Variants in C9orf72 observed in about 807,000 individuals in gnomAD.
The protein encoded by C9orf72 is C9orf72-SMCR8 complex subunit, also known as guanine nucleotide exchange factor C9orf72.
Under a neutral mutation model 51.6 loss-of-function variants are expected in C9orf72, and 44 were observed. The observed-to-expected ratio is 0.85, with a 90% CI of 0.67 to 1.10. The LOEUF is 1.10. Ranked by LOEUF, C9orf72 falls within the 50% of genes least tolerant of loss-of-function variation. The probability of loss-of-function intolerance (pLI) is 0.00; values close to 1 mark genes in which losing one functional copy is unlikely to be tolerated. For missense variants in C9orf72, 607 were observed against 570.6 expected (o/e 1.06, Z -0.65); for synonymous variants, 213 against 194.2 (o/e 1.10, Z -0.81).
chr9:27,551,386 A>C (rs1248982358), intron 8 of C9orf72, among the ~76,000 whole-genome samples: 1 of 152,208 alleles, frequency 6.6e-6, no homozygotes, highest in East Asian at 1.9e-4. Flanking sequence ...ACAAACAAAC[A>C]GGACTACTTA....
At chr9:27,555,721 C>G (rs1344069224) in intron 8 of C9orf72, among the ~76,000 whole-genome samples, 1 of 151,812 alleles carries the variant, frequency 6.6e-6, no homozygotes, top group Non-Finnish European at 1.5e-5. Context: ...GAAACACATT[C>G]CAATAATTCT....
intron 7 of C9orf72, among the ~76,000 whole-genome samples, chr9:27,557,412 C>T (rs1453474407): frequency 6.6e-6 from 1 of 152,122 alleles, no homozygotes; most frequent in Admixed American, 6.6e-5. Flanking sequence ...AAGAAAGAGG[C>T]TATTTCCATT....
At position 27,566,702 on chromosome 9, in the gene C9orf72, C is replaced by A. The variant is rs781692000; in HGVS notation, c.419G>T (p.Arg140Leu). 6.2e-7 allele frequency: 1 copy of A among 1,604,012 alleles called. No individual in the cohort carries two copies. Among genetic ancestry groups the A allele is most frequent in the South Asian group, 1.1e-5 (1 of 90,306 alleles). The change falls in exon 2 of 11, where the codon CGG becomes CTG. Residue 140 changes from arginine (R) to leucine (L), a missense_variant. Transcript: ENST00000380003. ...CTTATGCATCCATATTCTTCCTTTCCGGATTATATGTGTTAATCTATCAAC... is the reference window on the plus strand; with the variant it reads ...CTTATGCATCCATATTCTTCCTTTCAGGATTATATGTGTTAATCTATCAAC... ...VCVDRLTHII[R>L]KGRIWMHKER...
At position 27,548,643 on chromosome 9, in the gene C9orf72, T is replaced by C. The variant is rs775188943; in HGVS notation, c.1173A>G (p.Leu391=). 1.2e-5 allele frequency: 20 copies of C among 1,611,144 alleles called. No individual in the cohort carries two copies. Among genetic ancestry groups the C allele is most frequent in the Non-Finnish European group, 1.7e-5 (20 of 1,177,530 alleles). The change falls in exon 10 of 11, where the codon TTA becomes TTG. Residue 391 remains leucine, a synonymous_variant. Coordinates refer to ENST00000380003, the MANE Select transcript of C9orf72 (RefSeq NM_018325.5). ...LDQVFQLKPG[L]SLRSTFLAQF... ...GTGCAAGGAAAGTACTTCTGAGAGATAAGCCAGGTTTCAGCTGAAAGACCT... is the reference window on the plus strand; with the variant it reads ...GTGCAAGGAAAGTACTTCTGAGAGACAAGCCAGGTTTCAGCTGAAAGACCT...
chr9:27,553,135 C>T (rs1820942442), intron 8 of C9orf72, among the ~76,000 whole-genome samples: 1 of 152,060 alleles, frequency 6.6e-6, no homozygotes, highest in African/African-American at 2.4e-5. Context: ...GTTAAAATGG[C>T]CATACTGCCC....
intron 6 of C9orf72, chr9:27,559,284 A>C (rs1191994132): frequency 6.6e-5 from 10 of 150,852 alleles, no homozygotes; most frequent in African/African-American, 2.2e-4. Context: ...AAAAAAAAAA[A>C]ACACTCCAAC....
chr9:27,550,796 C>T, intron 8 of C9orf72, 89 bp from the exon 9 acceptor site: 1 of 593,338 alleles, frequency 1.7e-6, no homozygotes, highest in Non-Finnish European at 3.0e-6. Context: ...CTCACTTGAG[C>T]CAACATTTTA....
In C9orf72 at chr9:27,551,183, G is replaced by C. The variant is rs140055627; in HGVS notation, c.1092-476C>G. Among the ~76,000 whole-genome samples, 302 of 152,222 alleles carry C rather than the reference G, an allele frequency of 2.0e-3. 13 individuals carry two copies. In the East Asian group the frequency reaches 0.046, roughly 23 times the overall value. ...GAAGAAAAATTTGAGTGAGATTAGA[G>C]AACACACTCCGATGATTATCCACTG... On this transcript the variant is annotated intron_variant, in intron 8 of 10. Transcript: ENST00000380003.
chr9:27,546,939 A>C lies in C9orf72; in HGVS notation c.*1297T>G, dbSNP rs981230619. The C allele has an allele frequency of 6.6e-6, 1 of 152,262 alleles. No individual in the cohort carries two copies. The highest frequency in any genetic ancestry group is 6.5e-5 in the Admixed American group (1 of 15,292). 9.4% of individuals were successfully genotyped at this position (152,262 alleles called of 1,614,324 possible). ...GGGGCAGAAGGGCTCTATTACCTTT[A>C]TCCCTTTCTTATAAATATATTTTCC... is the stretch of plus-strand genomic sequence containing the variant. On this transcript the variant is annotated 3_prime_UTR_variant, in exon 11 of 11. Transcript: ENST00000380003.
intron 5 of C9orf72, chr9:27,560,800 T>C: frequency 2.1e-6 from 2 of 967,122 alleles, no homozygotes; most frequent in Non-Finnish European, 2.5e-6. Context: ...TACTTTTACT[T>C]CTCTTTTATT....
rs184151041 is a variant in C9orf72 at position 27,547,172 on chromosome 9, T to C, written c.*1064A>G. ...CAGTAAAATTTCTCCTGCTATTCCTTATAGCCTATTGCAGGCAAACAGCAA... is the reference window on the plus strand; with the variant it reads ...CAGTAAAATTTCTCCTGCTATTCCTCATAGCCTATTGCAGGCAAACAGCAA... On this transcript the variant is annotated 3_prime_UTR_variant, in exon 11 of 11. Transcript: ENST00000380003. The C allele has an allele frequency of 6.5e-6, 1 of 152,742 alleles. No homozygotes were observed. Among genetic ancestry groups the C allele is most frequent in the East Asian group, 1.9e-4 (1 of 5,190 alleles). The allele number at this position is 152,742 out of a possible 1,614,324, so 9.5% of individuals were successfully genotyped here.
intron 1 of C9orf72, among the ~76,000 whole-genome samples, chr9:27,571,414 G>A (rs1202389204): frequency 6.6e-6 from 1 of 152,094 alleles, no homozygotes; most frequent in Non-Finnish European, 1.5e-5. Context: ...AAAGGTGGTT[G>A]GTCCACTGCT....
chr9:27,563,749 A>T (rs1587315437), intron 3 of C9orf72, among the ~76,000 whole-genome samples: 6 of 144,870 alleles, frequency 4.1e-5, no homozygotes, highest in South Asian at 2.1e-4. Flanking sequence ...AGTTTTATTT[A>T]AAAAAAAACC....
chr9:27,559,961 T>C, intron 6 of C9orf72: 1 of 183,976 alleles, frequency 5.4e-6, no homozygotes, highest in Non-Finnish European at 1.1e-5. Context: ...TTTTTTTATA[T>C]ATCTGATTTT....
chr9:27,554,994 A>G (rs1820980651), intron 8 of C9orf72, among the ~76,000 whole-genome samples: 1 of 152,182 alleles, frequency 6.6e-6, no homozygotes, highest in Non-Finnish European at 1.5e-5. Flanking sequence ...TACATCCTCT[A>G]AAAAACAAAA....
At chr9:27,552,700 C>T (rs192070928) in intron 8 of C9orf72, among the ~76,000 whole-genome samples, 14 of 151,918 alleles carry the variant, frequency 9.2e-5, no homozygotes, top group Admixed American at 2.0e-4. Context: ...TTATTGACAA[C>T]CTTTTCTCTA....
chr9:27,567,531 G>A (rs1220669497), intron 1 of C9orf72, among the ~76,000 whole-genome samples: 1 of 152,160 alleles, frequency 6.6e-6, no homozygotes, highest in Non-Finnish European at 1.5e-5. Flanking sequence ...TATGACTGGA[G>A]ATTTGGCCCC....
At chr9:27,562,862 G>C (rs9785286) in intron 3 of C9orf72, among the ~76,000 whole-genome samples, 56 of 151,826 alleles carry the variant, frequency 3.7e-4, no homozygotes, top group African/African-American at 1.3e-3. Flanking sequence ...GTAGAGACGG[G>C]GTTTCGCCAT....
chr9:27,550,945 A>AT (rs1363378298), intron 8 of C9orf72, among the ~76,000 whole-genome samples: 2 of 152,094 alleles, frequency 1.3e-5, no homozygotes, highest in Admixed American at 6.6e-5. Context: ...CTAATATGTA[A>AT]TTTTTTCTCT....
Sources: gnomAD v4.1 joint callset for allele counts (sites outside exome capture counted in the v4.1 genomes callset) on GRCh38, gnomAD v4.1.1 for gene constraint, MANE v1.5 for transcripts, NCBI Gene and HGNC (gene_info 2026-07-23, HGNC 2026-07-21) for gene names.